Variants in PLB1 observed in about 807,000 individuals in gnomAD.
PLB1 encodes phospholipase B1, membrane-associated.
A neutral mutation model predicts 227.4 loss-of-function variants in PLB1; 242 were observed. The observed-to-expected ratio is 1.06, with a 90% CI of 0.96 to 1.18. The LOEUF is 1.18. Among genes scored for constraint, PLB1 ranks in the 50% most tolerant of loss-of-function variants. The pLI is 0.00. For synonymous variants in PLB1, 757 were observed against 682.2 expected (o/e 1.11, Z -1.71); for missense variants, 1,858 against 1,816.3 (o/e 1.02, Z -0.42).
intron 17 of PLB1, among the ~76,000 whole-genome samples, chr2:28,562,272 G>C (rs367743088): frequency 6.6e-6 from 1 of 151,900 alleles, no homozygotes; most frequent in African/African-American, 2.4e-5. Context: ...GGCCGGGCGC[G>C]TTGGCTCTCG....
chr2:28,580,461 T>A (rs1679736031), intron 23 of PLB1, among the ~76,000 whole-genome samples: 1 of 152,178 alleles, frequency 6.6e-6, no homozygotes, highest in South Asian at 2.1e-4. Flanking sequence ...ACACCTGTAA[T>A]CCCAGCACTT....
chr2:28,571,989 A>G (rs763662423), intron 20 of PLB1, among the ~76,000 whole-genome samples: 3 of 152,250 alleles, frequency 2.0e-5, no homozygotes, highest in Non-Finnish European at 4.4e-5. Context: ...AGACAGCCCA[A>G]AGAGTGGAAG....
At chr2:28,504,480 C>T (rs540929104) in intron 1 of PLB1, among the ~76,000 whole-genome samples, 3 of 152,288 alleles carry the variant, frequency 2.0e-5, no homozygotes, top group African/African-American at 4.8e-5. Flanking sequence ...CAGTGGCTCA[C>T]GTCTGTTATC....
intron 12 of PLB1, among the ~76,000 whole-genome samples, chr2:28,540,846 G>A (rs1672380848): frequency 6.6e-6 from 1 of 152,172 alleles, no homozygotes; most frequent in African/African-American, 2.4e-5. Context: ...TCCTGAAGAT[G>A]CACATTGCAG....
At chr2:28,572,840 CTG>C (rs892874804) in intron 20 of PLB1, among the ~76,000 whole-genome samples, 3 of 152,136 alleles carry the variant, frequency 2.0e-5, no homozygotes, top group Non-Finnish European at 2.9e-5. Flanking sequence ...GATTGTACAA[CTG>C]TGTGAATGTG....
chr2:28,539,448 A>T (rs6744005), intron 11 of PLB1, among the ~76,000 whole-genome samples: 2 of 152,058 alleles, frequency 1.3e-5, no homozygotes, highest in African/African-American at 4.8e-5. Context: ...GGCTCTCCTC[A>T]GTGCCAGAGT....
At chr2:28,637,142 A>C (rs1558977736) in intron 56 of PLB1, among the ~76,000 whole-genome samples, 1 of 151,906 alleles carries the variant, frequency 6.6e-6, no homozygotes, top group Non-Finnish European at 1.5e-5. Context: ...AAAAATACAA[A>C]ATTAGCCAAG....
At chr2:28,510,464 A>AG (rs1473596495) in intron 1 of PLB1, among the ~76,000 whole-genome samples, 5 of 152,116 alleles carry the variant, frequency 3.3e-5, no homozygotes, top group African/African-American at 1.2e-4. Context: ...AGCCACATGG[A>AG]GCAAGGCCAG....
intron 45 of PLB1, 21 bp downstream of exon 45, chr2:28,617,808 C>T (rs779254553): frequency 1.2e-6 from 2 of 1,607,914 alleles, no homozygotes; most frequent in South Asian, 1.1e-5. Context: ...ACATCATCAT[C>T]TCCTTCAATT....
At chr2:28,618,437 A>T in intron 46 of PLB1, 38 bp downstream of exon 46, 1 of 1,594,802 alleles carries the variant, frequency 6.3e-7, no homozygotes, top group Non-Finnish European at 8.6e-7. Flanking sequence ...GGCAGCTCAG[A>T]GTCCAGCCAG....
At position 28,610,669 on chromosome 2, in the gene PLB1, CCAACCAGCA is replaced by C. The variant is rs539085390; in HGVS notation, c.3130-3353_3130-3345del. Among the ~76,000 whole-genome samples the C allele has an allele frequency of 7.5e-3, 1,147 of 152,208 alleles. 9 individuals carry two copies. Among genetic ancestry groups the C allele is most frequent in the Non-Finnish European group, 7.8e-3 (529 of 68,028 alleles). On this transcript the variant is annotated intron_variant, in intron 43 of 57. Transcript: ENST00000327757. ...GTGGTGACTGTACATCTGGTTTGAT[CCAACCAGCA>C]CAACCAGCGAAGAAAATCACCCCTC...
intron 14 of PLB1, among the ~76,000 whole-genome samples, chr2:28,547,201 C>A (rs76310142): frequency 8.5e-5 from 2 of 23,452 alleles, no homozygotes; most frequent in African/African-American, 2.0e-4. Flanking sequence ...GACCCTGTCT[C>A]CAAAAAAAAA....
intron 40 of PLB1, 53 bp downstream of exon 40, chr2:28,604,100 C>A (rs993059588): frequency 1.2e-5 from 18 of 1,510,228 alleles, no homozygotes; most frequent in Non-Finnish European, 1.7e-5. Context: ...TTCACTCTAA[C>A]ACACAGCCCA....
intron 23 of PLB1, among the ~76,000 whole-genome samples, chr2:28,581,391 T>C (rs930717475): frequency 1.5e-4 from 20 of 134,936 alleles, no homozygotes; most frequent in Non-Finnish European, 2.5e-4. Flanking sequence ...CTTAGAGTCA[T>C]CTGCTCGGAC....
chr2:28,631,993 A>C, intron 54 of PLB1, 43 bp from the exon 55 acceptor site: 1 of 1,529,176 alleles, frequency 6.5e-7, no homozygotes, highest in Non-Finnish European at 9.1e-7. Flanking sequence ...CTGTCTGTGC[A>C]GCCTTGCCAG....
chr2:28,635,494 G>A (rs567730342), intron 56 of PLB1, among the ~76,000 whole-genome samples: 14 of 150,664 alleles, frequency 9.3e-5, no homozygotes, highest in South Asian at 2.1e-4. Flanking sequence ...ACCTGGGCAT[G>A]CCACCACCCT....
At chr2:28,510,397 G>A (rs1668093809) in intron 1 of PLB1, among the ~76,000 whole-genome samples, 1 of 152,030 alleles carries the variant, frequency 6.6e-6, no homozygotes, top group Non-Finnish European at 1.5e-5. Flanking sequence ...TGTTTGGGTA[G>A]CTCCAGCTAT....
chr2:28,527,292 G>A (rs1305112660), intron 6 of PLB1, among the ~76,000 whole-genome samples: 1 of 152,184 alleles, frequency 6.6e-6, no homozygotes, highest in African/African-American at 2.4e-5. Flanking sequence ...GCAGGTGTGA[G>A]GGCAGATCTT....
chr2:28,514,218 C>T (rs531844518), intron 1 of PLB1, among the ~76,000 whole-genome samples: 1 of 152,202 alleles, frequency 6.6e-6, no homozygotes, highest in South Asian at 2.1e-4. Context: ...TGTAATATTG[C>T]CTTTGCTCCT....
Sources: gnomAD v4.1 joint callset for allele counts (sites outside exome capture counted in the v4.1 genomes callset) on GRCh38, gnomAD v4.1.1 for gene constraint, MANE v1.5 for transcripts, NCBI Gene and HGNC (gene_info 2026-07-23, HGNC 2026-07-21) for gene names.